FAM153A: variants seen among roughly 807,000 people sequenced by gnomAD.
FAM153A encodes the protein family with sequence similarity 153 member A, also known as protein FAM153A.
FAM153A carries 12 observed loss-of-function variants against 48.1 expected under a neutral mutation model. The observed-to-expected ratio is 0.25, with a 90% CI of 0.16 to 0.40. FAM153A has a LOEUF of 0.40. Among genes scored for constraint, FAM153A ranks in the 10% least tolerant of loss-of-function variants. FAM153A has a pLI of 1.00. For missense variants in FAM153A, 111 were observed against 345.8 expected, an observed-to-expected ratio of 0.32 and a Z score of 5.38; for synonymous variants, 36 against 118.2, an observed-to-expected ratio of 0.30 and a Z score of 4.51.
intron 4 of FAM153A, among the ~76,000 whole-genome samples, chr5:177,746,171 G>T (rs1178761171): frequency 6.6e-6 from 1 of 151,376 alleles, no homozygotes; most frequent in Non-Finnish European, 1.5e-5. Context: ...GAGGACTGGG[G>T]ATATTAAACT....
At chr5:177,769,756 CT>C (rs1769003792) in intron 1 of FAM153A, among the ~76,000 whole-genome samples, 1 of 95,890 alleles carries the variant, frequency 1.0e-5, no homozygotes, top group Non-Finnish European at 2.1e-5. Context: ...CCAAATTCAC[CT>C]GCCATTTTAC....
rs1769332308 is a variant in FAM153A, at chr5:177,776,585, A to C, written c.-57+3864T>G. Among the ~76,000 whole-genome samples, 2 of 83,804 alleles carry C rather than the reference A, an allele frequency of 2.4e-5. 1 individual carries two copies. The highest frequency in any genetic ancestry group is 2.6e-4 in the Admixed American group (2 of 7,770). The allele number at this position is 83,804 out of a possible 152,430, so 55.0% of individuals were successfully genotyped here. ...GTGAAGGACCTCTTCAAGAACTACA[A>C]ACCACTGCTCAAGGAAATAAAAGAG... On this transcript the variant is annotated intron_variant, in intron 1 of 8. Coordinates refer to the FAM153A transcript ENST00000393518.
chr5:177,701,929 A>G, the FAM153A span, among the ~76,000 whole-genome samples: 6 of 149,728 alleles, frequency 4.0e-5, no homozygotes, highest in East Asian at 1.2e-3. Context: ...TTTTTTTGAG[A>G]CAGAGTCTTG....
intron 1 of FAM153A, among the ~76,000 whole-genome samples, chr5:177,762,660 G>A (rs1199811890): frequency 7.4e-5 from 11 of 148,384 alleles, no homozygotes; most frequent in South Asian, 4.4e-4. Context: ...TTGGGGTGGA[G>A]GGTAAAAAGA....
the FAM153A span, among the ~76,000 whole-genome samples, chr5:177,697,880 T>A: frequency 1.1e-4 from 16 of 151,482 alleles, 1 homozygote; most frequent in South Asian, 2.5e-3. Context: ...CAGTTCCCCC[T>A]GCCCCCGTCT....
chr5:177,714,117 G>A (rs1475959570), intron 25 of FAM153A: 2 of 151,484 alleles, frequency 1.3e-5, no homozygotes, highest in Admixed American at 1.3e-4. Context: ...TAGTGGCAAA[G>A]CTTCCAGCAT....
At chr5:177,694,267 A>G in the FAM153A span, among the ~76,000 whole-genome samples, 3 of 149,524 alleles carry the variant, frequency 2.0e-5, no homozygotes, top group African/African-American at 7.5e-5. Context: ...TGGTGGGTCA[A>G]ACGCTTCCAC....
At chr5:177,758,011 A>G (rs747475405), upstream of FAM153A, among the ~76,000 whole-genome samples, 8 of 152,026 alleles carry the variant, frequency 5.3e-5, no homozygotes, top group South Asian at 6.3e-4. Context: ...AGGGTATTCA[A>G]TTAGGAAAAG....
the FAM153A span, among the ~76,000 whole-genome samples, chr5:177,700,674 C>A: frequency 6.6e-6 from 1 of 151,664 alleles, no homozygotes. Context: ...TGGTGGCAGG[C>A]GCCTGTAATC....
chr5:177,760,748 C>T (rs1768238004), intron 1 of FAM153A, among the ~76,000 whole-genome samples: 1 of 77,812 alleles, frequency 1.3e-5, no homozygotes, highest in African/African-American at 5.4e-5. Flanking sequence ...TGTGCAGAAA[C>T]TTAACAGTTG....
intron 9 of FAM153A, 182 bp downstream of exon 11, chr5:177,739,418 A>T (rs1012275337): frequency 2.2e-5 from 11 of 492,550 alleles, no homozygotes; most frequent in African/African-American, 8.7e-5. Flanking sequence ...TCATCTATGA[A>T]TGCCATCTTC....
At chr5:177,709,093 C>CCAAAAAAA (rs1758119692), downstream of FAM153A, among the ~76,000 whole-genome samples, 1 of 34,106 alleles carries the variant, frequency 2.9e-5, no homozygotes, top group African/African-American at 8.9e-5. Context: ...GACTCCGTCT[C>CCAAAAAAA]AAAAAAAAAA....
the FAM153A span, among the ~76,000 whole-genome samples, chr5:177,699,955 T>G: frequency 7.9e-5 from 12 of 151,918 alleles, no homozygotes; most frequent in East Asian, 2.1e-3. Context: ...ATAAAAATCC[T>G]TAACAAAAGC....
At position 177,747,572 on chromosome 5, in the gene FAM153A, G is replaced by C. The variant is rs562556417; in HGVS notation, c.259+197C>G. On this transcript the variant is annotated intron_variant, in intron 4 of 20. Transcript: ENST00000614127. ...CACCCTCTTCTATCCAAATGACCCTGTTCCTTCCAAGCACCAGAGTCAACA... is the reference window on the plus strand; with the variant it reads ...CACCCTCTTCTATCCAAATGACCCTCTTCCTTCCAAGCACCAGAGTCAACA... 3.3e-4 allele frequency: 214 copies of C among 651,506 alleles called. 25 individuals carry two copies. Among genetic ancestry groups the C allele is most frequent in the African/African-American group, 3.2e-3 (168 of 51,860 alleles). 40.4% of individuals were successfully genotyped at this position (651,506 alleles called of 1,614,324 possible).
chr5:177,708,041 G>A (rs189206891), downstream of FAM153A: 209 of 152,680 alleles, frequency 1.4e-3, 2 homozygotes, highest in African/African-American at 4.7e-3. Context: ...GATCCCCTGG[G>A]GGCACAAGTG....
rs1176395922 is a variant in FAM153A at position 177,773,021 on chromosome 5, T to C, written c.-57+7428A>G. Among the ~76,000 whole-genome samples, 29 of 45,370 alleles carry C rather than the reference T, an allele frequency of 6.4e-4. 10 individuals are homozygous for C. The highest frequency in any genetic ancestry group is 1.8e-3 in the African/African-American group (29 of 16,244). 29.8% of individuals were successfully genotyped at this position (45,370 alleles called of 152,430 possible). A position where few individuals can be genotyped will look rare whatever the true frequency, so the allele number is the denominator to read the frequency against. The stretch of plus-strand genomic sequence containing the variant: ...CACACTGACACCTCACAAGGCAGGG[T>C]ATTCCAACAGACGTGCAGCTGAGGG... On this transcript the variant is annotated intron_variant, in intron 1 of 8. Coordinates refer to the FAM153A transcript ENST00000393518.
chr5:177,778,230 G>A (rs1769381170), intron 1 of FAM153A, among the ~76,000 whole-genome samples: 1 of 26,308 alleles, frequency 3.8e-5, no homozygotes, highest in Non-Finnish European at 6.0e-5. Context: ...CCTGCACAAT[G>A]TGCACATGTA....
chr5:177,778,886 ACGACTGCT>A (rs1769434105), intron 1 of FAM153A, among the ~76,000 whole-genome samples: 1 of 119,084 alleles, frequency 8.4e-6, no homozygotes, highest in Non-Finnish European at 1.8e-5. Flanking sequence ...ATGAGGTGGG[ACGACTGCT>A]TGAGCCCAGA....
intron 1 of FAM153A, chr5:177,779,362 A>G (rs1300349366): frequency 7.8e-6 from 1 of 128,010 alleles, no homozygotes; most frequent in Non-Finnish European, 1.7e-5. Context: ...TATGACAGAT[A>G]AAACCATTTT....
Sources: allele counts gnomAD v4.1 joint callset (sites outside exome capture counted in the v4.1 genomes callset), GRCh38; gene constraint gnomAD v4.1.1; transcripts MANE v1.5; gene names NCBI Gene and HGNC (gene_info 2026-07-23, HGNC 2026-07-21).